LRRFIP1: variants seen among roughly 807,000 people sequenced by gnomAD.
LRRFIP1 encodes leucine-rich repeat flightless-interacting protein 1.
A neutral mutation model predicts 104.4 loss-of-function variants in LRRFIP1; 62 were observed. The ratio of observed to expected loss-of-function variants is 0.59; its 90% CI spans 0.48 to 0.73. LRRFIP1 has a LOEUF of 0.73. LRRFIP1 is among the 30% of genes least tolerant of loss of function. The pLI is 0.00. For synonymous variants in LRRFIP1, 300 were observed against 299.0 expected (o/e 1.00, Z -0.03); for missense variants, 796 against 824.5 (o/e 0.97, Z 0.42).
chr2:237,750,218 A>G (rs1254119298), intron 13 of LRRFIP1, among the ~76,000 whole-genome samples: 1 of 151,720 alleles, frequency 6.6e-6, no homozygotes, highest in Non-Finnish European at 1.5e-5. Flanking sequence ...CCTATGTTTT[A>G]TAAGTTTACA....
chr2:237,772,322 C>T, intron 21 of LRRFIP1, 124 bp downstream of exon 21: 1 of 699,672 alleles, frequency 1.4e-6, no homozygotes, highest in Non-Finnish European at 2.4e-6. Flanking sequence ...CACAAAAGCC[C>T]TTAAAAATAA....
At chr2:237,654,576 A>T (rs1464027584) in intron 1 of LRRFIP1, among the ~76,000 whole-genome samples, 2 of 151,466 alleles carry the variant, frequency 1.3e-5, no homozygotes, top group African/African-American at 4.8e-5. Context: ...TTTGAGACAG[A>T]ATCTCACTCT....
intron 1 of LRRFIP1, among the ~76,000 whole-genome samples, chr2:237,705,241 C>T (rs1178916410): frequency 1.3e-5 from 2 of 152,304 alleles, no homozygotes; most frequent in East Asian, 1.9e-4. Flanking sequence ...AGATACTCGC[C>T]CTGTGAGAGC....
intron 11 of LRRFIP1, among the ~76,000 whole-genome samples, chr2:237,740,470 G>T (rs1488297961): frequency 6.6e-6 from 1 of 152,026 alleles, no homozygotes; most frequent in Non-Finnish European, 1.5e-5. Context: ...TTAAAATGTG[G>T]CTCTTAAGTT....
At chr2:237,654,660 C>G (rs566697441) in intron 1 of LRRFIP1, among the ~76,000 whole-genome samples, 1 of 152,152 alleles carries the variant, frequency 6.6e-6, no homozygotes, top group South Asian at 2.1e-4. Flanking sequence ...AAGTGATTCT[C>G]CTGCCTCAGC....
rs1323778016 is a variant in LRRFIP1 at position 237,691,893 on chromosome 2, C to A, written c.97-16651C>A. Among the ~76,000 whole-genome samples the A allele has an allele frequency of 6.8e-6, 1 of 147,270 alleles. No homozygotes were observed. The highest frequency in any genetic ancestry group is 2.1e-4 in the East Asian group (1 of 4,826). On this transcript the variant is annotated intron_variant, in intron 1 of 23. Coordinates refer to ENST00000308482, the MANE Select transcript of LRRFIP1 (RefSeq NM_001137550.2). This position sits in a 1 kb window ranked among gnomAD's most constrained non-coding sequence, Gnocchi z 5.4. The stretch of plus-strand genomic sequence containing the variant: ...CGGGGCAGGACCAGGAAGATCCTTC[C>A]GAGACGGAGCGCGGGGGGCGGGGCG...
intron 10 of LRRFIP1, among the ~76,000 whole-genome samples, 179 bp from the exon 11 acceptor site, chr2:237,739,053 C>T (rs1314010379): frequency 1.3e-5 from 2 of 152,226 alleles, no homozygotes; most frequent in South Asian, 2.1e-4. Context: ...TTATTCTTAG[C>T]GAGCACTGAT....
rs1030264388 is a variant in LRRFIP1, at chr2:237,649,024, G to A, written c.96+21284G>A. Among the ~76,000 whole-genome samples the A allele has an allele frequency of 6.6e-5, 10 of 151,844 alleles. No individual in the cohort carries two copies. Among genetic ancestry groups the A allele is most frequent in the African/African-American group, 1.7e-4 (7 of 41,408 alleles). On this transcript the variant is annotated intron_variant, in intron 1 of 23. Coordinates refer to ENST00000308482, the MANE Select transcript of LRRFIP1 (RefSeq NM_001137550.2). This position sits in a 1 kb window ranked among gnomAD's most constrained non-coding sequence, Gnocchi z 4.1. ...AGGCATGGCTGGTGTGAGAGGAGGC[G>A]TCCTTGTCACCATCCTTTGTTGCCT...
chr2:237,762,790 A>G lies in LRRFIP1; in HGVS notation c.1459+2585A>G, dbSNP rs755800504. On this transcript the variant is annotated intron_variant, in intron 19 of 23. Coordinates refer to ENST00000308482, the MANE Select transcript of LRRFIP1 (RefSeq NM_001137550.2). ...CCTCTGAAGACACTGCCCCATTCCT[A>G]GGAACCTTAGCAGGTGCTACCTATG... is the stretch of plus-strand genomic sequence containing the variant. 4.3e-6 allele frequency: 7 copies of G among 1,614,116 alleles called. No individual in the cohort carries two copies. The Admixed American group carries it at 5.0e-5, about 12-fold the overall frequency.
chr2:237,661,796 C>T lies in LRRFIP1; in HGVS notation c.96+34056C>T, dbSNP rs2088025766. On this transcript the variant is annotated intron_variant, in intron 1 of 23. Transcript: ENST00000308482. This position sits in a 1 kb window ranked among gnomAD's most constrained non-coding sequence, Gnocchi z 4.4. The stretch of plus-strand genomic sequence containing the variant: ...TGTTTTCCTGTTTCCTGAGTCAATC[C>T]GCTGTAGTTCTGTGGCCCAGCTGAG... 6.6e-6 allele frequency among the ~76,000 whole-genome samples: 1 copy of T among 152,174 alleles called. No homozygotes were observed. The highest frequency in any genetic ancestry group is 1.5e-5 in the Non-Finnish European group (1 of 68,030).
intron 1 of LRRFIP1, among the ~76,000 whole-genome samples, chr2:237,662,210 C>T (rs1316227375): frequency 6.6e-6 from 1 of 152,146 alleles, no homozygotes; most frequent in Non-Finnish European, 1.5e-5. Flanking sequence ...GTGGCCCCCT[C>T]CCTGGGTATT....
intron 8 of LRRFIP1, among the ~76,000 whole-genome samples, chr2:237,728,704 C>G (rs1384449897): frequency 1.3e-5 from 2 of 152,026 alleles, no homozygotes; most frequent in Non-Finnish European, 2.9e-5. Context: ...TAGTAATATT[C>G]CTAATTGTGT....
At chr2:237,675,759 C>T (rs1051333018) in intron 1 of LRRFIP1, among the ~76,000 whole-genome samples, 3 of 152,146 alleles carry the variant, frequency 2.0e-5, no homozygotes, top group Admixed American at 6.5e-5. Flanking sequence ...GACATAAAAA[C>T]ACCCATGGCT....
rs768043111 is a variant in LRRFIP1 at position 237,763,534 on chromosome 2, A to C, written c.1459+3329A>C. ...ACACAGATTTAAGTGAAATTAAGGAAGAAGAGCAGGTAAAGTCTACTGACA... is the reference window on the plus strand; with the variant it reads ...ACACAGATTTAAGTGAAATTAAGGACGAAGAGCAGGTAAAGTCTACTGACA... On this transcript the variant is annotated intron_variant, in intron 19 of 23. Coordinates refer to ENST00000308482, the MANE Select transcript of LRRFIP1 (RefSeq NM_001137550.2). 1.9e-6 allele frequency: 3 copies of C among 1,613,404 alleles called. No homozygotes were observed. In the South Asian group the frequency reaches 3.3e-5, roughly 18 times the overall value.
chr2:237,666,773 C>CTG (rs2089361410), intron 1 of LRRFIP1, among the ~76,000 whole-genome samples: 2 of 112,450 alleles, frequency 1.8e-5, no homozygotes, highest in African/African-American at 3.0e-5. Context: ...TTCTCTCTTT[C>CTG]TCTCTGTCTC....
chr2:237,639,929 A>T (rs2083668911), intron 1 of LRRFIP1, among the ~76,000 whole-genome samples: 1 of 152,064 alleles, frequency 6.6e-6, no homozygotes, highest in Non-Finnish European at 1.5e-5. Context: ...ATGCTTCCAG[A>T]CATTGTCAAA....
At chr2:237,759,222 C>T (rs757025024) in intron 18 of LRRFIP1, among the ~76,000 whole-genome samples, 1 of 152,080 alleles carries the variant, frequency 6.6e-6, no homozygotes, top group Non-Finnish European at 1.5e-5. Flanking sequence ...GCAAGGATCC[C>T]GCTAATTAGA....
intron 1 of LRRFIP1, among the ~76,000 whole-genome samples, chr2:237,682,159 G>GTACAACCTA (rs2091913223): frequency 2.0e-5 from 3 of 152,174 alleles, no homozygotes; most frequent in Non-Finnish European, 1.5e-5. Context: ...CTCTAACCTG[G>GTACAACCTA]ATGTAAATTG....
At chr2:237,648,678 C>G (rs767278793) in intron 1 of LRRFIP1, among the ~76,000 whole-genome samples, 1 of 151,714 alleles carries the variant, frequency 6.6e-6, no homozygotes, top group African/African-American at 2.4e-5. Context: ...TGATGAGTAA[C>G]AGAAACCATC....
Sources: gnomAD v4.1 joint callset for allele counts (sites outside exome capture counted in the v4.1 genomes callset) on GRCh38, gnomAD v4.1.1 for gene constraint, Gnocchi (gnomAD v3.1) non-coding constraint, MANE v1.5 for transcripts, NCBI Gene and HGNC (gene_info 2026-07-23, HGNC 2026-07-21) for gene names.